SAMD3: variants seen among roughly 807,000 people sequenced by gnomAD.
SAMD3 encodes sterile alpha motif domain containing 3.
SAMD3 carries 63 observed loss-of-function variants against 58.5 expected under a neutral mutation model. The ratio of observed to expected loss-of-function variants is 1.08; its 90% confidence interval spans 0.88 to 1.33. The LOEUF is 1.33. Ranked by LOEUF, SAMD3 falls within the 40% of genes most tolerant of loss-of-function variation. The probability of loss-of-function intolerance (pLI) is 0.00; values close to 1 mark genes in which losing one functional copy is unlikely to be tolerated. For synonymous variants in SAMD3, 220 were observed against 210.3 expected (o/e 1.05, Z -0.40); for missense variants, 604 against 608.4 (o/e 0.99, Z 0.08).
At chr6:130,168,519 C>A (rs187104828) in intron 8 of SAMD3, among the ~76,000 whole-genome samples, 55 of 152,078 alleles carry the variant, frequency 3.6e-4, no homozygotes, top group Non-Finnish European at 6.5e-4. Context: ...CCCATCAGAC[C>A]ACCAAAGGAA....
At chr6:130,231,796 T>C (rs1165833742) in intron 2 of SAMD3, among the ~76,000 whole-genome samples, 2 of 152,134 alleles carry the variant, frequency 1.3e-5, no homozygotes, top group Non-Finnish European at 2.9e-5. Context: ...TCAAAAGGTA[T>C]GAACAATTAT....
chr6:130,268,041 C>T (rs1774425144), intron 2 of SAMD3, among the ~76,000 whole-genome samples: 1 of 152,148 alleles, frequency 6.6e-6, no homozygotes, highest in Non-Finnish European at 1.5e-5. Context: ...TTGTAACCAT[C>T]ATAATTTCAT....
chr6:130,207,593 G>A (rs2114815457), intron 5 of SAMD3, among the ~76,000 whole-genome samples: 1 of 152,284 alleles, frequency 6.6e-6, no homozygotes, highest in East Asian at 1.9e-4. Context: ...CATGCACCTG[G>A]AGCCAATCAC....
chr6:130,258,940 A>C (rs1774016707), intron 2 of SAMD3, among the ~76,000 whole-genome samples: 1 of 152,172 alleles, frequency 6.6e-6, no homozygotes, highest in Non-Finnish European at 1.5e-5. Flanking sequence ...GGAACTGAGG[A>C]AGTGGGAACA....
chr6:130,158,123 C>T (rs1360482077), intron 8 of SAMD3, among the ~76,000 whole-genome samples: 1 of 152,138 alleles, frequency 6.6e-6, no homozygotes, highest in African/African-American at 2.4e-5. Context: ...AGAAAGTCAT[C>T]TTTCTCCAAG....
At chr6:130,195,087 A>C (rs572516986) in intron 5 of SAMD3, among the ~76,000 whole-genome samples, 1 of 152,056 alleles carries the variant, frequency 6.6e-6, no homozygotes, top group Non-Finnish European at 1.5e-5. Flanking sequence ...CCACCTGCCC[A>C]GTTCCCTTAT....
chr6:130,157,441 T>C (rs1016243477), intron 8 of SAMD3, among the ~76,000 whole-genome samples: 11 of 151,908 alleles, frequency 7.2e-5, no homozygotes, highest in South Asian at 2.1e-4. Context: ...CAGGCACAAG[T>C]GATCAACTGT....
chr6:130,329,775 T>A (rs1776869916), intron 1 of SAMD3, among the ~76,000 whole-genome samples: 1 of 152,132 alleles, frequency 6.6e-6, no homozygotes, highest in Non-Finnish European at 1.5e-5. Context: ...GGGACATGGC[T>A]AAAGCTGGAA....
intron 4 of SAMD3, 37 bp downstream of exon 4, chr6:130,214,300 G>C (rs1795836712): frequency 6.7e-7 from 1 of 1,485,488 alleles, no homozygotes; most frequent in South Asian, 1.4e-5. Context: ...GGGAAAGCTT[G>C]GGAAAAAAAA....
At chr6:130,176,297 C>T (rs1791720219) in intron 7 of SAMD3, 1 of 346,776 alleles carries the variant, frequency 2.9e-6, no homozygotes. Flanking sequence ...GGTTCTTGAA[C>T]CTGGATTTTC....
At chr6:130,280,434 C>A (rs1774940241) in intron 2 of SAMD3, among the ~76,000 whole-genome samples, 1 of 152,080 alleles carries the variant, frequency 6.6e-6, no homozygotes, top group Non-Finnish European at 1.5e-5. Context: ...CATTTTTTGG[C>A]CCTCTTCTCT....
intron 1 of SAMD3, among the ~76,000 whole-genome samples, chr6:130,340,148 A>G (rs1777225288): frequency 6.6e-6 from 1 of 152,230 alleles, no homozygotes; most frequent in African/African-American, 2.4e-5. Context: ...TATTGCTGCT[A>G]TAACAAATTA....
intron 4 of SAMD3, among the ~76,000 whole-genome samples, chr6:130,212,406 C>T (rs577392679): frequency 2.0e-5 from 3 of 152,176 alleles, no homozygotes; most frequent in Non-Finnish European, 2.9e-5. Context: ...CATAAATCCC[C>T]AGACAAAGAG....
At chr6:130,332,144 G>T (rs1776953544) in intron 1 of SAMD3, among the ~76,000 whole-genome samples, 1 of 152,234 alleles carries the variant, frequency 6.6e-6, no homozygotes, top group Non-Finnish European at 1.5e-5. Flanking sequence ...ATTCTTTGGA[G>T]TAGAGTTGCC....
At chr6:130,326,030 T>G (rs1776747470) in intron 1 of SAMD3, among the ~76,000 whole-genome samples, 1 of 152,246 alleles carries the variant, frequency 6.6e-6, no homozygotes, top group Admixed American at 6.5e-5. Flanking sequence ...AGGGGCATAT[T>G]GAGCATAGTC....
At chr6:130,357,543 C>T (rs1777871767) in intron 1 of SAMD3, among the ~76,000 whole-genome samples, 1 of 152,172 alleles carries the variant, frequency 6.6e-6, no homozygotes, top group African/African-American at 2.4e-5. Flanking sequence ...ACCACCTGTA[C>T]TCCTGTTATA....
At chr6:130,365,795 C>G (rs1350367277), upstream of SAMD3, 1 of 985,468 alleles carries the variant, frequency 1.0e-6, no homozygotes, top group South Asian at 4.7e-5. Flanking sequence ...GTGGCCGGGA[C>G]GCGGATCGGC....
At chr6:130,233,635 A>G (rs374857862) in intron 2 of SAMD3, among the ~76,000 whole-genome samples, 1 of 152,160 alleles carries the variant, frequency 6.6e-6, no homozygotes, top group African/African-American at 2.4e-5. Flanking sequence ...CTGAAAGGTG[A>G]TATTTGTTCT....
chr6:130,192,837 C>T (rs1409815437), intron 5 of SAMD3, among the ~76,000 whole-genome samples: 1 of 152,204 alleles, frequency 6.6e-6, no homozygotes, highest in African/African-American at 2.4e-5. Context: ...GCCCAAGAAA[C>T]ATCTCACCAA....
Sources: gnomAD v4.1 joint callset for allele counts (sites outside exome capture counted in the v4.1 genomes callset) on GRCh38, gnomAD v4.1.1 for gene constraint, MANE v1.5 for transcripts, NCBI Gene and HGNC (gene_info 2026-07-23, HGNC 2026-07-21) for gene names.